Variants in SGMS2 observed in about 807,000 individuals in gnomAD.
The protein encoded by SGMS2 is phosphatidylcholine:ceramide cholinephosphotransferase 2.
A neutral mutation model predicts 43.8 loss-of-function variants in SGMS2; 21 were observed. The observed-to-expected ratio is 0.48, with a 90% CI of 0.34 to 0.69. SGMS2 has a LOEUF of 0.69. Among genes scored for constraint, SGMS2 ranks in the 30% least tolerant of loss-of-function variants. The pLI is 0.01. For missense variants in SGMS2, 384 were observed against 443.2 expected (o/e 0.87, Z 1.20); for synonymous variants, 167 against 160.6 (o/e 1.04, Z -0.30).
chr4:107,851,504 A>C (rs1488818146), intron 1 of SGMS2, among the ~76,000 whole-genome samples: 4 of 152,218 alleles, frequency 2.6e-5, no homozygotes, highest in Non-Finnish European at 4.4e-5. Flanking sequence ...TGGATAGTTA[A>C]CATACACTTA....
chr4:107,881,174 G>A (rs1317412363), intron 2 of SGMS2, among the ~76,000 whole-genome samples: 2 of 151,632 alleles, frequency 1.3e-5, no homozygotes, highest in Non-Finnish European at 2.9e-5. Context: ...TGCCTGTATT[G>A]CAGTCTAGAA....
intron 2 of SGMS2, among the ~76,000 whole-genome samples, chr4:107,869,283 G>A (rs896609992): frequency 8.5e-5 from 13 of 152,160 alleles, no homozygotes; most frequent in African/African-American, 3.1e-4. Context: ...CATCTGCTGA[G>A]ACCTGAAGCA....
chr4:107,868,389 C>T, intron 2 of SGMS2, among the ~76,000 whole-genome samples: 1 of 152,180 alleles, frequency 6.6e-6, no homozygotes, highest in East Asian at 1.9e-4. Context: ...TGTTGAAGAG[C>T]AATAATGCCT....
intron 2 of SGMS2, among the ~76,000 whole-genome samples, chr4:107,871,364 TGGC>T (rs1456849054): frequency 6.6e-5 from 10 of 152,200 alleles, no homozygotes; most frequent in Admixed American, 5.2e-4. Context: ...TACATCTACC[TGGC>T]ATATGGTTTC....
At chr4:107,866,909 C>T (rs1236237904) in intron 2 of SGMS2, 1 of 152,140 alleles carries the variant, frequency 6.6e-6, no homozygotes, top group African/African-American at 2.4e-5. Flanking sequence ...ATTACTGACC[C>T]AGGATTAATC....
rs1234621087 is a variant in SGMS2, at chr4:107,866,345, C to T, written c.-245+7792C>T. ...CTTTGGGAGGCCGAGGTAGGTGGAT[C>T]ACCTGAGGTCAGGAGTTGGAGACCA... On this transcript the variant is annotated intron_variant, in intron 2 of 6. Coordinates refer to ENST00000690982, the MANE Select transcript of SGMS2 (RefSeq NM_001375905.1). Among the ~76,000 whole-genome samples the T allele has an allele frequency of 3.3e-5, 5 of 152,118 alleles. No homozygotes were observed. The East Asian group carries it at 9.6e-4, about 29-fold the overall frequency.
chr4:107,882,741 C>A (rs1406431489), intron 2 of SGMS2, among the ~76,000 whole-genome samples: 1 of 152,022 alleles, frequency 6.6e-6, no homozygotes, highest in African/African-American at 2.4e-5. Flanking sequence ...TTTATAGTGA[C>A]AACAGTTTTC....
chr4:107,852,980 T>C (rs1727235660), intron 1 of SGMS2, among the ~76,000 whole-genome samples: 1 of 152,244 alleles, frequency 6.6e-6, no homozygotes, highest in Non-Finnish European at 1.5e-5. Context: ...TTTCTCACTT[T>C]AAATGTTAAA....
intron 2 of SGMS2, among the ~76,000 whole-genome samples, chr4:107,873,772 G>C (rs919387344): frequency 3.3e-5 from 5 of 152,016 alleles, no homozygotes; most frequent in Non-Finnish European, 4.4e-5. Context: ...CTGTGTAAGA[G>C]CACCTGCCCA....
At chr4:107,897,091 A>G (rs562704376) in intron 3 of SGMS2, among the ~76,000 whole-genome samples, 4 of 152,308 alleles carry the variant, frequency 2.6e-5, no homozygotes, top group African/African-American at 9.6e-5. Flanking sequence ...TCATTACTTG[A>G]TCAATTATAG....
chr4:107,843,436 T>C (rs1274079885), intron 1 of SGMS2, among the ~76,000 whole-genome samples: 2 of 152,160 alleles, frequency 1.3e-5, no homozygotes, highest in African/African-American at 2.4e-5. Context: ...TTTCTTAATA[T>C]GGAATTTGGA....
At chr4:107,824,901 C>A (rs993138393), upstream of SGMS2, 1 of 151,960 alleles carries the variant, frequency 6.6e-6, no homozygotes, top group African/African-American at 2.4e-5. Flanking sequence ...GCGCGGCGGG[C>A]GGGGAGAGCG....
intron 1 of SGMS2, among the ~76,000 whole-genome samples, chr4:107,834,639 A>G (rs758815868): frequency 6.6e-6 from 1 of 152,230 alleles, no homozygotes; most frequent in Non-Finnish European, 1.5e-5. Context: ...AGCTGTAAAC[A>G]AAAGGTGACA....
intron 2 of SGMS2, among the ~76,000 whole-genome samples, chr4:107,887,479 C>CA (rs1176927044): frequency 1.3e-5 from 2 of 152,118 alleles, no homozygotes; most frequent in Admixed American, 6.6e-5. Flanking sequence ...CATATTTATA[C>CA]AAATACAGCC....
chr4:107,883,957 T>A (rs1729554224), intron 2 of SGMS2, among the ~76,000 whole-genome samples: 1 of 152,188 alleles, frequency 6.6e-6, no homozygotes, highest in African/African-American at 2.4e-5. Flanking sequence ...GAGAGAAAAA[T>A]TACATTTCAA....
At chr4:107,907,074 A>G (rs1248491241) in intron 5 of SGMS2, 1 of 152,190 alleles carries the variant, frequency 6.6e-6, no homozygotes, top group African/African-American at 2.4e-5. Flanking sequence ...CTGGCTCCTA[A>G]GACTGCAAGA....
At chr4:107,855,860 G>A (rs1316412274) in intron 1 of SGMS2, among the ~76,000 whole-genome samples, 2 of 152,010 alleles carry the variant, frequency 1.3e-5, no homozygotes, top group Non-Finnish European at 2.9e-5. Flanking sequence ...TATAACCTTT[G>A]ATTCTTTTAA....
intron 2 of SGMS2, among the ~76,000 whole-genome samples, chr4:107,868,785 T>G (rs1728335146): frequency 6.6e-6 from 1 of 152,152 alleles, no homozygotes; most frequent in Admixed American, 6.6e-5. Flanking sequence ...AATCATAGGA[T>G]TCTGGAGCCC....
At chr4:107,855,604 A>C (rs914130145) in intron 1 of SGMS2, among the ~76,000 whole-genome samples, 1 of 152,174 alleles carries the variant, frequency 6.6e-6, no homozygotes, top group South Asian at 2.1e-4. Flanking sequence ...GTGGTCTAAG[A>C]TATGATCTAT....
Sources: gnomAD v4.1 joint callset for allele counts (sites outside exome capture counted in the v4.1 genomes callset) on GRCh38, gnomAD v4.1.1 for gene constraint, MANE v1.5 for transcripts, NCBI Gene and HGNC (gene_info 2026-07-23, HGNC 2026-07-21) for gene names.